EED: variants seen among roughly 807,000 people sequenced by gnomAD.
EED encodes the protein embryonic ectoderm development, also known as polycomb protein EED.
In EED, 9 loss-of-function variants were observed where a neutral mutation model predicts 61.0. The observed-to-expected ratio is 0.15, with a 90% CI of 0.09 to 0.26. EED has a LOEUF of 0.26. Among genes scored for constraint, EED ranks in the 10% least tolerant of loss-of-function variants. The pLI, the probability that EED is intolerant of heterozygous loss-of-function variation, is 1.00. For missense variants in EED, 315 were observed against 542.3 expected (o/e 0.58, Z 4.16); for synonymous variants, 187 against 174.4 (o/e 1.07, Z -0.57).
intron 1 of EED, among the ~76,000 whole-genome samples, chr11:86,246,066 A>T (rs970535403): frequency 2.6e-5 from 4 of 152,236 alleles, no homozygotes; most frequent in African/African-American, 9.6e-5. Flanking sequence ...GATGTATTTA[A>T]GTGTGGGTTC....
downstream of EED, among the ~76,000 whole-genome samples, chr11:86,283,086 C>A (rs961099790): frequency 7.2e-5 from 11 of 152,110 alleles, no homozygotes; most frequent in Admixed American, 2.0e-4. Flanking sequence ...TGGCTAGATT[C>A]TGTCCACAAG....
intron 6 of EED, among the ~76,000 whole-genome samples, chr11:86,259,422 TA>T (rs1333498636): frequency 1.3e-4 from 20 of 152,094 alleles, no homozygotes; most frequent in South Asian, 6.2e-4. Context: ...TGGCTCACTG[TA>T]GCCTCAACCT....
At chr11:86,268,787 C>T (rs977383123) in intron 9 of EED, among the ~76,000 whole-genome samples, 2 of 152,010 alleles carry the variant, frequency 1.3e-5, no homozygotes, top group Admixed American at 1.3e-4. Context: ...TCTTTGTGCT[C>T]CAGTAAGATG....
intron 1 of EED, among the ~76,000 whole-genome samples, chr11:86,246,475 A>G (rs565032290): frequency 6.6e-6 from 1 of 152,366 alleles, no homozygotes; most frequent in African/African-American, 2.4e-5. Context: ...TAGCTGAAAC[A>G]TATAATGATG....
chr11:86,249,347 A>G (rs373249491), intron 1 of EED, among the ~76,000 whole-genome samples: 1 of 150,532 alleles, frequency 6.6e-6, no homozygotes, highest in African/African-American at 2.4e-5. Flanking sequence ...CCCCTAAAGC[A>G]GTGTTTCCTA....
chr11:86,276,303 A>G (rs569749385), intron 9 of EED: 11 of 152,180 alleles, frequency 7.2e-5, no homozygotes, highest in Non-Finnish European at 1.3e-4. Flanking sequence ...ATTTTATAGG[A>G]TAGGAAAAGT....
At chr11:86,250,502 C>A in intron 2 of EED, 54 bp downstream of exon 2, 2 of 1,446,078 alleles carry the variant, frequency 1.4e-6, no homozygotes. Flanking sequence ...GAAATTATTT[C>A]TCTGTGGCAC....
chr11:86,272,279 C>G (rs7126702), intron 9 of EED, among the ~76,000 whole-genome samples: 1,632 of 150,572 alleles, frequency 0.011, 38 homozygotes, highest in African/African-American at 0.038. Flanking sequence ...AGGATGGTCT[C>G]GATCTCCTGA....
Position 86,250,344 on chromosome 11 carries a change from A to G in EED, c.163A>G (p.Thr55Ala). The G allele has an allele frequency of 6.2e-7, 1 of 1,607,716 alleles. No homozygotes were observed. The highest frequency in any genetic ancestry group is 8.5e-7 in the Non-Finnish European group (1 of 1,177,440). ...ESGTNTERPD[T>A]PTNTPNAPGR... is the part of the protein sequence containing the mutation. ...TGGTACAAACACTGAACGCCCTGAT[A>G]CACCTACAAACACGCCAAATGCACC... Residue 55 changes from threonine (T) to alanine (A), a missense_variant, in exon 2 of 12, where the codon ACA becomes GCA. Physicochemically the swap from Thr to Ala is moderately conservative, Grantham distance 58. This residue lies in a region of EED where 110 missense variants were observed against 86.9 expected (regional missense o/e 1.27). Transcript: ENST00000263360.
chr11:86,268,789 A>T (rs1289784380), intron 9 of EED, among the ~76,000 whole-genome samples: 1 of 152,240 alleles, frequency 6.6e-6, no homozygotes. Context: ...TTTGTGCTCC[A>T]GTAAGATGAG....
Position 86,245,030 on chromosome 11 carries a change from C to T in EED, c.-200C>T. ...GAAGCCGCGCGGGAGGGCGCGCGCG[C>T]GCGCCCCTTTTTCAGCAGTGTGGCG... On this transcript the variant is annotated 5_prime_UTR_variant, in exon 1 of 12. Coordinates refer to ENST00000263360, the MANE Select transcript of EED (RefSeq NM_003797.5). The T allele has an allele frequency of 2.1e-6, 1 of 479,698 alleles. No individual in the cohort carries two copies. Among genetic ancestry groups the T allele is most frequent in the South Asian group, 2.9e-5 (1 of 34,648 alleles). The allele number at this position is 479,698 out of a possible 1,614,324, so 29.7% of individuals were successfully genotyped here.
intron 11 of EED, 143 bp from the exon 12 acceptor site, chr11:86,278,256 T>C (rs1052552573): frequency 7.3e-7 from 1 of 1,372,574 alleles, no homozygotes; most frequent in African/African-American, 1.5e-5. Context: ...AATTTGAGAC[T>C]GAGCTCTTAG....
intron 6 of EED, among the ~76,000 whole-genome samples, chr11:86,257,983 T>A (rs942553490): frequency 6.6e-6 from 1 of 152,254 alleles, no homozygotes; most frequent in South Asian, 2.1e-4. Flanking sequence ...GTGCATTATT[T>A]CCATATAAAC....
At chr11:86,266,829 A>G (rs1168581205) in intron 8 of EED, among the ~76,000 whole-genome samples, 1 of 152,190 alleles carries the variant, frequency 6.6e-6, no homozygotes, top group Non-Finnish European at 1.5e-5. Context: ...TCAGGCTGTC[A>G]TTAACACTTT....
At chr11:86,247,060 C>A (rs920631921) in intron 1 of EED, among the ~76,000 whole-genome samples, 2 of 152,108 alleles carry the variant, frequency 1.3e-5, no homozygotes, top group African/African-American at 4.8e-5. Flanking sequence ...AATAATCAGG[C>A]AAAATATAAT....
chr11:86,260,288 T>C (rs1245816088), intron 6 of EED, among the ~76,000 whole-genome samples: 1 of 152,160 alleles, frequency 6.6e-6, no homozygotes, highest in Non-Finnish European at 1.5e-5. Flanking sequence ...AGTAGAGTGA[T>C]GTGATCACAG....
At chr11:86,261,993 A>C (rs2138183056) in intron 6 of EED, among the ~76,000 whole-genome samples, 1 of 152,278 alleles carries the variant, frequency 6.6e-6, no homozygotes, top group Non-Finnish European at 1.5e-5. Context: ...TAATCTCCTT[A>C]GCAATTAGTC....
At chr11:86,254,402 C>T (rs1945615813) in intron 3 of EED, among the ~76,000 whole-genome samples, 1 of 150,420 alleles carries the variant, frequency 6.6e-6, no homozygotes, top group Admixed American at 6.6e-5. Context: ...CTCACTGCAA[C>T]TTCTGCCTCC....
chr11:86,274,311 C>A (rs943741916), intron 9 of EED, among the ~76,000 whole-genome samples: 11 of 152,088 alleles, frequency 7.2e-5, no homozygotes, highest in African/African-American at 2.7e-4. Context: ...AAATCTATGT[C>A]AGATCTGACA....
Sources: gnomAD v4.1 joint callset for allele counts (sites outside exome capture counted in the v4.1 genomes callset) on GRCh38, gnomAD v4.1.1 for gene constraint, gnomAD v4.1.1 regional missense constraint, MANE v1.5 for transcripts, NCBI Gene and HGNC (gene_info 2026-07-23, HGNC 2026-07-21) for gene names.